The following LTBP2 variants were observed in gnomAD, a reference collection of about 807,000 sequenced individuals.
The protein encoded by LTBP2 is latent transforming growth factor beta binding protein 2, also known as latent-transforming growth factor beta-binding protein 2.
LTBP2 carries 103 observed loss-of-function variants against 210.6 expected under a neutral mutation model. The ratio of observed to expected loss-of-function variants is 0.49; its 90% CI spans 0.42 to 0.58. The LOEUF (loss-of-function observed/expected upper bound fraction) is 0.58, where lower values mean the gene tolerates loss of function less well. LTBP2 is among the 20% of genes least tolerant of loss of function. The pLI is 0.00. For missense variants in LTBP2, 2,313 were observed against 2,494.5 expected (o/e 0.93, Z 1.55); for synonymous variants, 1,007 against 1,015.0 (o/e 0.99, Z 0.15).
At chr14:74,582,993 A>G (rs563894425) in intron 3 of LTBP2, among the ~76,000 whole-genome samples, 1 of 152,156 alleles carries the variant, frequency 6.6e-6, no homozygotes, top group South Asian at 2.1e-4. Context: ...AGCCTTGGGG[A>G]AGAAGCCAGG....
chr14:74,585,678 C>A (rs902877540), intron 3 of LTBP2, among the ~76,000 whole-genome samples, 176 bp downstream of exon 3: 3 of 152,230 alleles, frequency 2.0e-5, no homozygotes, highest in African/African-American at 7.2e-5. Flanking sequence ...GCCCCAACAC[C>A]TACTCTCCTG....
chr14:74,508,620 C>G lies in LTBP2; in HGVS notation c.3636G>C (p.Gly1212=), dbSNP rs1343989051. ...LCAPGFVSAE[G]GTSCQDVDEC... is the part of the protein sequence containing the mutation. ...GCTTCTCACCCTGGCAGCTGGTGCC[C>G]CCCTCTGCGCTGACGAAGCCAGGCG... is the stretch of plus-strand genomic sequence containing the variant. Residue 1212 remains glycine (G), a synonymous_variant, in exon 24 of 36, where the codon GGG becomes GGC. Transcript: ENST00000261978. 1 of 1,609,428 alleles carries G rather than the reference C, an allele frequency of 6.2e-7. No individual in the cohort carries two copies. The highest frequency in any genetic ancestry group is 8.5e-7 in the Non-Finnish European group (1 of 1,179,852).
Position 74,500,784 on chromosome 14 carries a change from C to A in LTBP2, c.*100G>T, listed in dbSNP as rs1038444827. The A allele has an allele frequency of 4.6e-6, 7 of 1,512,258 alleles. No individual in the cohort carries two copies. The African/African-American group carries it at 8.2e-5, about 18-fold the overall frequency. 93.7% of individuals were successfully genotyped at this position (1,512,258 alleles called of 1,614,324 possible). ...GGCAAGGCTGATTGGAAACCTCTGG[C>A]CTGATGTCACGGTGTCTTCCCAGCT... On this transcript the variant is annotated 3_prime_UTR_variant, in exon 36 of 36. Transcript: ENST00000261978.
intron 3 of LTBP2, among the ~76,000 whole-genome samples, chr14:74,564,035 TTA>T (rs35330682): frequency 0.11 from 3,501 of 32,360 alleles, 357 homozygotes; most frequent in Non-Finnish European, 0.18. Context: ...ATATATATAT[TTA>T]TATATATATA....
In LTBP2 at chr14:74,558,537, C is replaced by T. The variant is rs946991467; in HGVS notation, c.831-2844G>A. On this transcript the variant is annotated intron_variant, in intron 3 of 35. Transcript: ENST00000261978. ...GGTGCCATGCTCAGGTTAGTGGCAG[C>T]GCCACAGAGCATCCCAGAGAGGTGA... Among the ~76,000 whole-genome samples the T allele has an allele frequency of 9.2e-5, 14 of 152,214 alleles. No individual in the cohort carries two copies. The East Asian group carries it at 1.7e-3, about 19-fold the overall frequency.
intron 15 of LTBP2, among the ~76,000 whole-genome samples, chr14:74,524,357 G>A (rs3784030): frequency 0.28 from 42,933 of 151,938 alleles, 6,609 homozygotes; most frequent in East Asian, 0.38. Context: ...TCCACCAGGC[G>A]CAGGGGCTTT....
At chr14:74,550,034 C>T (rs779342081) in intron 7 of LTBP2, 69 bp from the exon 8 acceptor site, 107 of 1,049,270 alleles carry the variant, frequency 1.0e-4, no homozygotes, top group Admixed American at 2.9e-4. Flanking sequence ...AGAGATGTCC[C>T]GGGAAAGCCT....
chr14:74,598,456 G>A (rs900345497), intron 2 of LTBP2, among the ~76,000 whole-genome samples: 4 of 152,310 alleles, frequency 2.6e-5, no homozygotes, highest in African/African-American at 9.6e-5. Context: ...GCACACGGCC[G>A]GGATAGGCTC....
intron 8 of LTBP2, among the ~76,000 whole-genome samples, chr14:74,543,829 G>T (rs1326106178): frequency 6.6e-6 from 1 of 152,206 alleles, no homozygotes; most frequent in South Asian, 2.1e-4. Context: ...GGGCCCCCCA[G>T]TGATTATGGA....
chr14:74,558,884 A>G (rs968592594), intron 3 of LTBP2, among the ~76,000 whole-genome samples: 3 of 152,114 alleles, frequency 2.0e-5, no homozygotes, highest in African/African-American at 7.2e-5. Flanking sequence ...GGCCAGACAG[A>G]TGTTGGTTCT....
At chr14:74,585,643 C>A (rs945570115) in intron 3 of LTBP2, among the ~76,000 whole-genome samples, 3 of 152,176 alleles carry the variant, frequency 2.0e-5, no homozygotes, top group Non-Finnish European at 4.4e-5. Flanking sequence ...CCTCTTCCCA[C>A]CCCAGGCTGG....
Position 74,504,010 on chromosome 14 carries a change from C to A in LTBP2, c.4498G>T (p.Gly1500Cys). The A allele has an allele frequency of 6.2e-7, 1 of 1,614,082 alleles. No homozygotes were observed. Among genetic ancestry groups the A allele is most frequent in the Non-Finnish European group, 8.5e-7 (1 of 1,180,022 alleles). Residue 1500 changes from glycine to cysteine, a missense_variant, in exon 31 of 36, where the codon GGC becomes TGC. Physicochemically the swap from Gly to Cys is radical, Grantham distance 159. Transcript: ENST00000261978. ...VIFGPGLCPN[G>C]RCLNTVPGYV... ...CCAGGCACGGTGTTGAGGCACCGGCCGTTCGGGCAGAGACCAGGCCCGAAT... is the reference window on the plus strand; with the variant it reads ...CCAGGCACGGTGTTGAGGCACCGGCAGTTCGGGCAGAGACCAGGCCCGAAT...
chr14:74,525,169 G>T lies in LTBP2; in HGVS notation c.2485C>A (p.Gln829Lys). 1 of 1,332,352 alleles carries T rather than the reference G, an allele frequency of 7.5e-7. No homozygotes were observed. 82.5% of individuals were successfully genotyped at this position (1,332,352 alleles called of 1,614,324 possible). Residue 829 changes from glutamine to lysine, a missense_variant, in exon 15 of 36, where the codon CAA becomes AAA. By Grantham distance (53) the Gln-to-Lys change is moderately conservative. This residue lies in a region of LTBP2 where 1,867 missense variants were observed against 1,976.9 expected (regional missense o/e 0.94). Transcript: ENST00000261978. ...AGCACATCAGTGGAGGGGGTCACTT[G>T]TTCTTCCTGTATCTCTGCAATCCCC... ...EQGIAEIQEE[Q>K]VTPSTDVLVT...
chr14:74,566,492 C>T (rs1217561177), intron 3 of LTBP2, among the ~76,000 whole-genome samples: 1 of 152,226 alleles, frequency 6.6e-6, no homozygotes, highest in Non-Finnish European at 1.5e-5. Flanking sequence ...GGCTTGGTCT[C>T]CCCTGAGGAT....
Position 74,612,076 on chromosome 14 carries a change from G to A in LTBP2, c.-132C>T. Reference sequence around the variant, plus strand: ...TTCTCTGAGTCTAGGGGGCCCTGAAGCGGCCGACTGGGGGCCCGGCTCTCG... The same window carrying A: ...TTCTCTGAGTCTAGGGGGCCCTGAAACGGCCGACTGGGGGCCCGGCTCTCG... On this transcript the variant is annotated 5_prime_UTR_variant, in exon 1 of 36. Transcript: ENST00000261978. 6 of 999,870 alleles carry A rather than the reference G, an allele frequency of 6.0e-6. No individual in the cohort carries two copies. Among genetic ancestry groups the A allele is most frequent in the Non-Finnish European group, 8.2e-6 (6 of 732,132 alleles). 61.9% of individuals were successfully genotyped at this position (999,870 alleles called of 1,614,324 possible).
rs2087415879 is a variant in LTBP2, at chr14:74,535,961, T to C, written c.1829A>G (p.Gln610Arg). Residue 610 changes from glutamine (Q) to arginine (R), a missense_variant, in exon 9 of 36, where the codon CAG becomes CGG. Around this residue, in one of 3 missense-constraint regions of LTBP2, gnomAD observed 1,867 missense variants for 1,976.9 expected, o/e 0.94. Coordinates refer to ENST00000261978, the MANE Select transcript of LTBP2 (RefSeq NM_000428.3). ...VIENGQLECPQGYKRLNLTHC... is the reference protein window; with the variant it reads ...VIENGQLECPRGYKRLNLTHC... ...AGTGAGGTTCAGTCTCTTGTACCCC[T>C]GAGGACACTCCAGCTGGCCATTCTC... 1 of 1,613,996 alleles carries C rather than the reference T, an allele frequency of 6.2e-7. No individual in the cohort carries two copies. The highest frequency in any genetic ancestry group is 1.7e-5 in the Admixed American group (1 of 60,004).
chr14:74,542,669 A>G (rs527972820), intron 8 of LTBP2, among the ~76,000 whole-genome samples: 2 of 152,266 alleles, frequency 1.3e-5, no homozygotes, highest in East Asian at 3.9e-4. Context: ...CTCCCCCAGT[A>G]GGAGTGCAGG....
chr14:74,509,067 G>A lies in LTBP2; in HGVS notation c.3404-115C>T, dbSNP rs1366274313. ...CTGCCTGCAGAGCTGGACCCACGGG[G>A]GATCATCCCCTCATGAGGCAGCACA... is the stretch of plus-strand genomic sequence containing the variant. On this transcript the variant is annotated intron_variant, in intron 22 of 35. Coordinates refer to ENST00000261978, the MANE Select transcript of LTBP2 (RefSeq NM_000428.3). 6 of 1,571,604 alleles carry A rather than the reference G, an allele frequency of 3.8e-6. No individual in the cohort carries two copies. The Admixed American group carries it at 8.4e-5, about 22-fold the overall frequency.
At chr14:74,505,300 G>A in intron 28 of LTBP2, 126 bp from the exon 29 acceptor site, 2 of 1,047,782 alleles carry the variant, frequency 1.9e-6, no homozygotes, top group Non-Finnish European at 2.8e-6. Context: ...TCTGTTACCT[G>A]TATTACCTCA....
Sources: gnomAD v4.1 joint callset for allele counts (sites outside exome capture counted in the v4.1 genomes callset) on GRCh38, gnomAD v4.1.1 for gene constraint, gnomAD v4.1.1 regional missense constraint, MANE v1.5 for transcripts, NCBI Gene and HGNC (gene_info 2026-07-23, HGNC 2026-07-21) for gene names.